The following SUPT3H variants were observed in gnomAD, a reference collection of about 807,000 sequenced individuals.
SUPT3H encodes transcription initiation protein SPT3 homolog.
Under a neutral mutation model 44.3 loss-of-function variants are expected in SUPT3H, and 44 were observed. The ratio of observed to expected loss-of-function variants is 0.99; its 90% CI spans 0.78 to 1.28. SUPT3H has a LOEUF of 1.28. SUPT3H is among the 50% of genes most tolerant of loss of function. The pLI is 0.00. For synonymous variants in SUPT3H, 124 were observed against 125.6 expected (o/e 0.99, Z 0.09); for missense variants, 380 against 387.1 (o/e 0.98, Z 0.15).
intron 10 of SUPT3H, among the ~76,000 whole-genome samples, chr6:44,862,071 A>C (rs1774749067): frequency 6.6e-6 from 1 of 152,128 alleles, no homozygotes; most frequent in Non-Finnish European, 1.5e-5. Context: ...TCCATGCCTC[A>C]GCCCCCGCCT....
chr6:45,011,816 T>C (rs1783529358), intron 5 of SUPT3H, among the ~76,000 whole-genome samples: 1 of 152,146 alleles, frequency 6.6e-6, no homozygotes, highest in Non-Finnish European at 1.5e-5. Flanking sequence ...ATTCAAATTA[T>C]TTGGTGCAGC....
chr6:45,178,656 T>C (rs543910377), intron 2 of SUPT3H, among the ~76,000 whole-genome samples: 1 of 152,056 alleles, frequency 6.6e-6, no homozygotes, highest in South Asian at 2.1e-4. Context: ...ATTGACCACA[T>C]AGTTGGAAGT....
chr6:44,917,653 A>G (rs1303638093), intron 10 of SUPT3H, among the ~76,000 whole-genome samples: 1 of 152,198 alleles, frequency 6.6e-6, no homozygotes, highest in African/African-American at 2.4e-5. Context: ...ATGAAGCCTC[A>G]TGAGTCTTTT....
intron 2 of SUPT3H, among the ~76,000 whole-genome samples, chr6:45,220,410 A>G: frequency 6.6e-6 from 1 of 152,138 alleles, no homozygotes. Flanking sequence ...ACAAAATCCA[A>G]CATTATTTCA....
At chr6:45,277,346 G>T (rs958597205) in intron 2 of SUPT3H, among the ~76,000 whole-genome samples, 1 of 152,118 alleles carries the variant, frequency 6.6e-6, no homozygotes, top group Non-Finnish European at 1.5e-5. Flanking sequence ...TCTAGGATTA[G>T]CACTTCTAAT....
chr6:45,014,630 G>A (rs549122963), intron 5 of SUPT3H, among the ~76,000 whole-genome samples, 171 bp downstream of exon 5: 8 of 152,040 alleles, frequency 5.3e-5, no homozygotes, highest in Non-Finnish European at 1.0e-4. Flanking sequence ...AGGTAACACG[G>A]TATAATATGT....
At chr6:45,158,298 A>ATATATATATTTTTTT in intron 2 of SUPT3H, among the ~76,000 whole-genome samples, 4 of 99,694 alleles carry the variant, frequency 4.0e-5, no homozygotes, top group African/African-American at 2.0e-4. Context: ...ATATATATAT[A>ATATATATATTTTTTT]TTTTTTTTTT....
chr6:45,054,255 C>A (rs1232769746), intron 3 of SUPT3H, among the ~76,000 whole-genome samples: 1 of 152,010 alleles, frequency 6.6e-6, no homozygotes, highest in Admixed American at 6.5e-5. Context: ...TGAAGCAGGC[C>A]ACAAAAGAAT....
chr6:45,206,043 AT>A (rs879280859), intron 2 of SUPT3H, among the ~76,000 whole-genome samples: 14 of 152,160 alleles, frequency 9.2e-5, no homozygotes, highest in Non-Finnish European at 1.8e-4. Flanking sequence ...TTGACATTCC[AT>A]TATATTAATT....
intron 2 of SUPT3H, among the ~76,000 whole-genome samples, chr6:45,334,285 A>G (rs2150098654): frequency 6.6e-6 from 1 of 151,230 alleles, no homozygotes; most frequent in African/African-American, 2.4e-5. Context: ...ATCATTATAT[A>G]CCATCAACTA....
chr6:45,130,188 CCT>C (rs1803212148), intron 2 of SUPT3H, among the ~76,000 whole-genome samples: 1 of 152,154 alleles, frequency 6.6e-6, no homozygotes, highest in East Asian at 1.9e-4. Flanking sequence ...ATTCTCACCC[CCT>C]CTCTCAGCAT....
intron 3 of SUPT3H, among the ~76,000 whole-genome samples, chr6:45,022,313 A>C (rs1366781159): frequency 6.6e-6 from 1 of 152,072 alleles, no homozygotes; most frequent in Non-Finnish European, 1.5e-5. Context: ...AATAATCTCT[A>C]TTCATAACAT....
At chr6:45,172,037 G>A (rs989508005) in intron 2 of SUPT3H, among the ~76,000 whole-genome samples, 2 of 146,000 alleles carry the variant, frequency 1.4e-5, no homozygotes, top group Admixed American at 1.4e-4. Flanking sequence ...TTTAAAAAGT[G>A]ATGGCATTCC....
intron 1 of SUPT3H, among the ~76,000 whole-genome samples, chr6:45,376,209 T>C (rs1334365516): frequency 6.6e-6 from 1 of 152,232 alleles, no homozygotes; most frequent in Non-Finnish European, 1.5e-5. Flanking sequence ...AAATAAGTAC[T>C]AACAGACCCA....
intron 10 of SUPT3H, among the ~76,000 whole-genome samples, chr6:44,862,980 C>A (rs538614224): frequency 6.6e-6 from 1 of 152,298 alleles, no homozygotes; most frequent in African/African-American, 2.4e-5. Flanking sequence ...GGAGTCTCCA[C>A]AAGGTTTGCC....
At chr6:44,972,842 C>T (rs998160477) in intron 6 of SUPT3H, among the ~76,000 whole-genome samples, 1 of 152,180 alleles carries the variant, frequency 6.6e-6, no homozygotes, top group South Asian at 2.1e-4. Context: ...TGCTGGGACA[C>T]AGGGCACCAA....
rs190525992 is a variant in SUPT3H, at chr6:45,127,087, G to C, written c.102-21081C>G. Among the ~76,000 whole-genome samples, 595 of 152,212 alleles carry C rather than the reference G, an allele frequency of 3.9e-3. 7 individuals are homozygous for C. The highest frequency in any genetic ancestry group is 0.014 in the African/African-American group (567 of 41,526). On this transcript the variant is annotated intron_variant, in intron 2 of 10. Transcript: ENST00000371459. ...TCCCAGCACTTTGTGAGGCCAAGACGGGCAGATCATGAGGTCAGGAGTTCG... is the reference window on the plus strand; with the variant it reads ...TCCCAGCACTTTGTGAGGCCAAGACCGGCAGATCATGAGGTCAGGAGTTCG...
In SUPT3H at chr6:45,123,658, G is replaced by GA. The variant is rs1346489991; in HGVS notation, c.102-17653dup. Reference sequence around the variant, plus strand: ...GTGTGGTGAAGTGTAACAGGTTGGGGAAAAAACTATAGGTGTAATCCAAGG... The same window carrying GA: ...GTGTGGTGAAGTGTAACAGGTTGGGGAAAAAAACTATAGGTGTAATCCAAGG... On this transcript the variant is annotated intron_variant, in intron 2 of 10. Transcript: ENST00000371459. Among the ~76,000 whole-genome samples, 5 of 151,996 alleles carry GA rather than the reference G, an allele frequency of 3.3e-5. 1 individual carries two copies. Among genetic ancestry groups the GA allele is most frequent in the African/African-American group, 1.2e-4 (5 of 41,386 alleles).
At chr6:45,254,949 T>C (rs886945635) in intron 2 of SUPT3H, among the ~76,000 whole-genome samples, 1 of 152,212 alleles carries the variant, frequency 6.6e-6, no homozygotes, top group African/African-American at 2.4e-5. Context: ...ATAGGCTATC[T>C]ACCCATTAAT....
Sources: allele counts gnomAD v4.1 joint callset (sites outside exome capture counted in the v4.1 genomes callset), GRCh38; gene constraint gnomAD v4.1.1; transcripts MANE v1.5; gene names NCBI Gene and HGNC (gene_info 2026-07-23, HGNC 2026-07-21).